The following ARHGEF28 variants were observed in gnomAD, a reference collection of about 807,000 sequenced individuals.
The protein encoded by ARHGEF28 is Rho guanine nucleotide exchange factor 28.
ARHGEF28 carries 152 observed loss-of-function variants against 206.6 expected under a neutral mutation model. That is an observed-to-expected ratio of 0.74 (90% CI 0.64 to 0.84). The LOEUF is 0.84. Ranked by LOEUF, ARHGEF28 falls within the 40% of genes least tolerant of loss-of-function variation. The pLI is 0.00. For synonymous variants in ARHGEF28, 763 were observed against 776.4 expected (o/e 0.98, Z 0.29); for missense variants, 2,028 against 2,073.2 (o/e 0.98, Z 0.42).
chr5:73,707,373 A>G (rs1020538185), intron 2 of ARHGEF28, among the ~76,000 whole-genome samples: 1 of 152,172 alleles, frequency 6.6e-6, no homozygotes, highest in African/African-American at 2.4e-5. Context: ...GTGGATGGCT[A>G]TGGTTTGGCC....
intron 9 of ARHGEF28, among the ~76,000 whole-genome samples, chr5:73,831,070 C>A (rs1045805072): frequency 6.6e-6 from 1 of 152,144 alleles, no homozygotes; most frequent in Non-Finnish European, 1.5e-5. Context: ...GTATTAATAA[C>A]CTTGCACTTC....
intron 4 of ARHGEF28, among the ~76,000 whole-genome samples, chr5:73,767,794 A>G (rs1414437644): frequency 6.6e-6 from 1 of 152,202 alleles, no homozygotes; most frequent in African/African-American, 2.4e-5. Flanking sequence ...CTGAATATTA[A>G]TCCCCAAGAC....
At chr5:73,725,315 A>G (rs1245723463) in intron 2 of ARHGEF28, among the ~76,000 whole-genome samples, 1 of 152,194 alleles carries the variant, frequency 6.6e-6, no homozygotes, top group African/African-American at 2.4e-5. Flanking sequence ...ACCTTCTCAT[A>G]TTTGCGTAGT....
At chr5:73,736,721 G>T (rs1202110196) in intron 2 of ARHGEF28, among the ~76,000 whole-genome samples, 1 of 152,058 alleles carries the variant, frequency 6.6e-6, no homozygotes, top group African/African-American at 2.4e-5. Context: ...TTATAACTGA[G>T]ATTGCTTCAG....
At chr5:73,754,072 T>C (rs1752174819) in intron 4 of ARHGEF28, among the ~76,000 whole-genome samples, 1 of 152,228 alleles carries the variant, frequency 6.6e-6, no homozygotes, top group South Asian at 2.1e-4. Flanking sequence ...TATTGCTTTT[T>C]TTTGCTATCC....
At chr5:73,673,830 C>T (rs1382974055) in intron 1 of ARHGEF28, among the ~76,000 whole-genome samples, 5 of 151,892 alleles carry the variant, frequency 3.3e-5, no homozygotes, top group Admixed American at 6.6e-5. Flanking sequence ...ACTTGACAGA[C>T]GAGGAACTGG....
At chr5:73,657,613 G>C (rs1465830541) in intron 1 of ARHGEF28, among the ~76,000 whole-genome samples, 6 of 152,162 alleles carry the variant, frequency 3.9e-5, no homozygotes, top group Admixed American at 2.0e-4. Context: ...AACTTTAACT[G>C]GGGGAGTCCT....
Position 73,892,711 on chromosome 5 carries a change from A to C in ARHGEF28, c.3566+481A>C, listed in dbSNP as rs749035137. Among the ~76,000 whole-genome samples, 9 of 152,274 alleles carry C rather than the reference A, an allele frequency of 5.9e-5. No homozygotes were observed. The Middle Eastern group carries it at 0.01, about 173-fold the overall frequency. On this transcript the variant is annotated intron_variant, in intron 27 of 35. Transcript: ENST00000513042. ...GAAATCATTCAATAAATGTTTCTGA[A>C]TTGGTGGATCTAAGTATTCTAAGTC...
At position 73,904,384 on chromosome 5, in the gene ARHGEF28, C is replaced by G. The variant is rs767483678; in HGVS notation, c.4140C>G (p.Thr1380=). Residue 1380 remains threonine, a synonymous_variant, in exon 33 of 36, where the codon ACC becomes ACG. Transcript: ENST00000513042. ...SEIIQAIQNL[T]RLLYSLQAAL... is the part of the protein sequence containing the mutation. ...TTATACAAGCCATACAGAATTTAAC[C>G]CGTCTCTTATACAGCCTTCAGGTAA... is the stretch of plus-strand genomic sequence containing the variant. 6.2e-7 allele frequency: 1 copy of G among 1,612,534 alleles called. No homozygotes were observed. Among genetic ancestry groups the G allele is most frequent in the South Asian group, 1.1e-5 (1 of 90,958 alleles).
At position 73,855,141 on chromosome 5, in the gene ARHGEF28, T is replaced by C. The variant is rs369694378; in HGVS notation, c.1790+2449T>C. On this transcript the variant is annotated intron_variant, in intron 14 of 35. Transcript: ENST00000513042. ...AAGCTATTTAAATTCTATTATGAAA[T>C]TATTTGAAGGTTTTCTCTTCTCAAT... Among the ~76,000 whole-genome samples the C allele has an allele frequency of 3.3e-5, 5 of 152,318 alleles. No individual in the cohort carries two copies. In the East Asian group the frequency reaches 7.7e-4, roughly 24 times the overall value.
intron 22 of ARHGEF28, among the ~76,000 whole-genome samples, chr5:73,880,128 A>G (rs2973578): frequency 6.6e-6 from 1 of 151,802 alleles, no homozygotes; most frequent in African/African-American, 2.4e-5. Context: ...AGCCTGGGCA[A>G]TGGCGGGCGC....
chr5:73,675,759 A>G (rs1226156131), intron 1 of ARHGEF28, among the ~76,000 whole-genome samples: 1 of 151,372 alleles, frequency 6.6e-6, no homozygotes, highest in African/African-American at 2.4e-5. Flanking sequence ...AAAAAAGAAA[A>G]TAAGCATATT....
intron 4 of ARHGEF28, among the ~76,000 whole-genome samples, chr5:73,755,193 A>G (rs1286019115): frequency 6.6e-6 from 1 of 151,732 alleles, no homozygotes; most frequent in East Asian, 1.9e-4. Flanking sequence ...TTATATATCT[A>G]TGATACATAT....
chr5:73,805,863 T>C (rs1015353641), intron 9 of ARHGEF28, among the ~76,000 whole-genome samples: 2 of 152,154 alleles, frequency 1.3e-5, no homozygotes, highest in African/African-American at 4.8e-5. Flanking sequence ...AGGACGAGCC[T>C]GCCCGTTTTT....
chr5:73,904,178 G>T (rs1190789841), intron 31 of ARHGEF28, 44 bp from the exon 32 acceptor site: 1 of 1,603,858 alleles, frequency 6.2e-7, no homozygotes, highest in Admixed American at 1.7e-5. Flanking sequence ...CAGCTTTTCA[G>T]AAGTAGAATG....
chr5:73,725,527 C>A (rs1750219878), intron 2 of ARHGEF28, among the ~76,000 whole-genome samples: 1 of 152,058 alleles, frequency 6.6e-6, no homozygotes, highest in Non-Finnish European at 1.5e-5. Flanking sequence ...CCTTTACTTT[C>A]ATAAAATAAT....
chr5:73,643,668 A>C (rs1015389970), intron 1 of ARHGEF28, among the ~76,000 whole-genome samples: 2 of 152,050 alleles, frequency 1.3e-5, no homozygotes, highest in Non-Finnish European at 1.5e-5. Context: ...TGCAAAAATC[A>C]ACCCAGCGTG....
At chr5:73,902,396 C>A (rs751163723) in intron 31 of ARHGEF28, 1 of 152,168 alleles carries the variant, frequency 6.6e-6, no homozygotes, top group African/African-American at 2.4e-5. Context: ...TAATCTTGAA[C>A]GCAAAGTTGG....
chr5:73,774,158 A>G, intron 5 of ARHGEF28, 120 bp downstream of exon 5: 1 of 828,142 alleles, frequency 1.2e-6, no homozygotes, highest in Non-Finnish European at 1.8e-6. Flanking sequence ...GTTAGCTCTC[A>G]TGCATATATA....
Sources: gnomAD v4.1 joint callset for allele counts (sites outside exome capture counted in the v4.1 genomes callset) on GRCh38, gnomAD v4.1.1 for gene constraint, MANE v1.5 for transcripts, NCBI Gene and HGNC (gene_info 2026-07-23, HGNC 2026-07-21) for gene names.